SLC8A2: variants seen among roughly 807,000 people sequenced by gnomAD.
SLC8A2 encodes the protein solute carrier family 8 member A2, also known as sodium/calcium exchanger 2.
A neutral mutation model predicts 70.2 loss-of-function variants in SLC8A2; 14 were observed. The observed-to-expected ratio is 0.20, with a 90% CI of 0.13 to 0.31. The LOEUF (loss-of-function observed/expected upper bound fraction) is 0.31. Ranked by LOEUF, SLC8A2 falls within the 10% of genes least tolerant of loss-of-function variation. The pLI, the probability that SLC8A2 is intolerant of heterozygous loss-of-function variation, is 1.00. For missense variants in SLC8A2, 779 were observed against 1,320.1 expected, an observed-to-expected ratio of 0.59 and a Z score of 6.35; for synonymous variants, 575 against 594.3, an observed-to-expected ratio of 0.97 and a Z score of 0.47.
intron 2 of SLC8A2, among the ~76,000 whole-genome samples, chr19:47,460,975 A>T (rs1463995600): frequency 6.6e-6 from 1 of 152,154 alleles, no homozygotes; most frequent in East Asian, 1.9e-4. Context: ...GCACTTTGGG[A>T]GGCGGAAGTG....
In SLC8A2 at chr19:47,448,269, G is replaced by A. The variant is rs777632456; in HGVS notation, c.1341-38C>T. The A allele has an allele frequency of 8.5e-6, 13 of 1,522,424 alleles. No individual in the cohort carries two copies. In the East Asian group the frequency reaches 2.9e-4, roughly 35 times the overall value. The allele number at this position is 1,522,424 out of a possible 1,614,324, so 94.3% of individuals were successfully genotyped here. A position where few individuals can be genotyped will look rare whatever the true frequency, so the allele number is the denominator to read the frequency against. ...GGGGAGGGGGAAGAGCGGGGTGAGGGTCGGTCATCGGCTGTGTGTTGTACG... is the reference window on the plus strand; with the variant it reads ...GGGGAGGGGGAAGAGCGGGGTGAGGATCGGTCATCGGCTGTGTGTTGTACG... On this transcript the variant is annotated intron_variant, in intron 3 of 9. Transcript: ENST00000236877. This position sits in a 1 kb window ranked among gnomAD's most constrained non-coding sequence, Gnocchi z 4.8.
rs566849309 is a variant in SLC8A2, at chr19:47,429,978, C to A, written c.*111G>T. 3 of 1,143,730 alleles carry A rather than the reference C, an allele frequency of 2.6e-6. No homozygotes were observed. Among genetic ancestry groups the A allele is most frequent in the Non-Finnish European group, 2.4e-6 (2 of 822,892 alleles). 70.8% of individuals were successfully genotyped at this position (1,143,730 alleles called of 1,614,324 possible). ...AGGGGGCGGAGAAGGGAGGCCGAGT[C>A]CCAGGAGAGGAGGCCGAGTCTGGGG... On this transcript the variant is annotated 3_prime_UTR_variant, in exon 10 of 10. Coordinates refer to ENST00000236877, the MANE Select transcript of SLC8A2 (RefSeq NM_015063.3).
At chr19:47,464,375 G>A (rs1967432849) in intron 2 of SLC8A2, among the ~76,000 whole-genome samples, 1 of 152,150 alleles carries the variant, frequency 6.6e-6, no homozygotes. Flanking sequence ...ACCTCCCAAA[G>A]TGCTAGGATT....
chr19:47,454,703 C>T (rs1379000640), intron 3 of SLC8A2, among the ~76,000 whole-genome samples: 1 of 151,792 alleles, frequency 6.6e-6, no homozygotes, highest in Non-Finnish European at 1.5e-5. Context: ...AATGTCCAAG[C>T]GCTGGAAAGA....
At chr19:47,438,870 T>C (rs830162) in intron 6 of SLC8A2, among the ~76,000 whole-genome samples, 15,984 of 152,062 alleles carry the variant, frequency 0.11, 898 homozygotes, top group Middle Eastern at 0.16. Context: ...CAGTCCCAAC[T>C]CCCAACTCTG....
intron 2 of SLC8A2, among the ~76,000 whole-genome samples, chr19:47,459,699 TTC>T (rs1179273895): frequency 9.4e-6 from 1 of 106,278 alleles, no homozygotes; most frequent in Non-Finnish European, 2.2e-5. Context: ...GGGTGTGTCC[TTC>T]TGTGTGTGCG....
chr19:47,457,890 G>A lies in SLC8A2; in HGVS notation c.676-296C>T, dbSNP rs184543286. ...GTCTTTCTCTGTAGCCCAGGCTGGA[G>A]TGCAGTGGTGCAGCCTCGGCTCACT... On this transcript the variant is annotated intron_variant, in intron 2 of 9. Transcript: ENST00000236877. Among the ~76,000 whole-genome samples, 19 of 148,186 alleles carry A rather than the reference G, an allele frequency of 1.3e-4. No homozygotes were observed. The East Asian group carries it at 3.4e-3, about 27-fold the overall frequency.
chr19:47,432,306 G>A lies in SLC8A2; in HGVS notation c.2250C>T (p.Ala750=). The A allele has an allele frequency of 1.2e-6, 2 of 1,613,952 alleles. No individual in the cohort carries two copies. Among genetic ancestry groups the A allele is most frequent in the Non-Finnish European group, 1.7e-6 (2 of 1,180,036 alleles). ...TGACCAGGATGGAGACACCAAAGCA[G>A]GCCCAGCCGTGGCAGTACTCGGTGG... ...VPPTEYCHGW[A]CFGVSILVIG... is the part of the protein sequence containing the mutation. Residue 750 remains alanine (A), a synonymous_variant, in exon 9 of 10, where the codon GCC becomes GCT. Transcript: ENST00000236877. The surrounding 1 kb of genome is among the most constrained non-coding windows in gnomAD (Gnocchi z 6.2).
At position 47,448,110 on chromosome 19, in the gene SLC8A2, C is replaced by T; in HGVS notation, c.1462G>A (p.Gly488Ser). 3 of 1,610,896 alleles carry T rather than the reference C, an allele frequency of 1.9e-6. No homozygotes were observed. The highest frequency in any genetic ancestry group is 2.5e-6 in the Non-Finnish European group (3 of 1,178,910). Residue 488 changes from glycine (G) to serine (S), a missense_variant, in exon 4 of 10, where the codon GGC becomes AGC. By Grantham distance (56) the Gly-to-Ser change is moderately conservative (BLOSUM62 0). Around this residue, in one of 6 missense-constraint regions of SLC8A2, gnomAD observed 247 missense variants for 362.8 expected, o/e 0.68. Coordinates refer to ENST00000236877, the MANE Select transcript of SLC8A2 (RefSeq NM_015063.3). The surrounding 1 kb of genome is among the most constrained non-coding windows in gnomAD (Gnocchi z 4.8). ...GGCTCGAACATGCCCTGCGCGTCGC[C>T]CACGCGCAGGTTCAGCAGCCGCACG... ...FFVRLLNLRV[G>S]DAQGMFEPDG... is the part of the protein sequence containing the mutation.
At chr19:47,453,780 C>T (rs926921352) in intron 3 of SLC8A2, among the ~76,000 whole-genome samples, 1 of 152,094 alleles carries the variant, frequency 6.6e-6, no homozygotes, top group Non-Finnish European at 1.5e-5. Flanking sequence ...AAACAATTAG[C>T]CAGGCTTGGT....
chr19:47,452,445 AGTGTGT>A (rs1158828688), intron 3 of SLC8A2, among the ~76,000 whole-genome samples: 718 of 53,504 alleles, frequency 0.013, 5 homozygotes, highest in South Asian at 0.017. Context: ...AGAGAGAGAG[AGTGTGT>A]GTGTGTGTGT....
At chr19:47,444,707 G>A (rs1369933044) in intron 4 of SLC8A2, among the ~76,000 whole-genome samples, 1 of 152,206 alleles carries the variant, frequency 6.6e-6, no homozygotes, top group East Asian at 1.9e-4. Context: ...CCTGGCAGGC[G>A]CACCCTCAGG....
intron 3 of SLC8A2, among the ~76,000 whole-genome samples, chr19:47,454,547 G>T (rs1465732856): frequency 1.3e-5 from 2 of 152,076 alleles, no homozygotes. Flanking sequence ...AGCTACTTTG[G>T]AGGCTGAGGT....
At position 47,448,507 on chromosome 19, in the gene SLC8A2, A is replaced by G. The variant is rs1967197917; in HGVS notation, c.1341-276T>C. On this transcript the variant is annotated intron_variant, in intron 3 of 9. Coordinates refer to ENST00000236877, the MANE Select transcript of SLC8A2 (RefSeq NM_015063.3). This position sits in a 1 kb window ranked among gnomAD's most constrained non-coding sequence, Gnocchi z 4.8. ...AGGTGGGAATTAAACAGGTAATGAT[A>G]AGGTTGAGATCAGGGCAGGCTTCCT... Among the ~76,000 whole-genome samples, 1 of 152,120 alleles carries G rather than the reference A, an allele frequency of 6.6e-6. No individual in the cohort carries two copies. Among genetic ancestry groups the G allele is most frequent in the South Asian group, 2.1e-4 (1 of 4,824 alleles).
At position 47,430,065 on chromosome 19, in the gene SLC8A2, GGGGACGAGTCTCTGCGCGAGGCC is replaced by G; in HGVS notation, c.*1_*23del. 1 of 1,561,592 alleles carries G rather than the reference GGGGACGAGTCTCTGCGCGAGGCC, an allele frequency of 6.4e-7. No individual in the cohort carries two copies. Among genetic ancestry groups the G allele is most frequent in the South Asian group, 1.2e-5 (1 of 84,774 alleles). ...GAGTCCCTAGCCCCGGGCGGGCGGTGGGGACGAGTCTCTGCGCGAGGCCCTAGAAGCCCCGGATGTGGCAGTAC... is the reference window on the plus strand; with the variant it reads ...GAGTCCCTAGCCCCGGGCGGGCGGTGCTAGAAGCCCCGGATGTGGCAGTAC... On this transcript the variant is annotated 3_prime_UTR_variant, in exon 10 of 10. Coordinates refer to ENST00000236877, the MANE Select transcript of SLC8A2 (RefSeq NM_015063.3). The surrounding 1 kb of genome is among the most constrained non-coding windows in gnomAD (Gnocchi z 5.9).
chr19:47,446,955 C>G (rs556839727), intron 4 of SLC8A2, among the ~76,000 whole-genome samples: 1 of 152,094 alleles, frequency 6.6e-6, no homozygotes, highest in Non-Finnish European at 1.5e-5. Flanking sequence ...TCCCCAGACC[C>G]CATTTTCCTA....
At chr19:47,471,416 C>CTT (rs2122660021) in intron 1 of SLC8A2, among the ~76,000 whole-genome samples, 1 of 151,648 alleles carries the variant, frequency 6.6e-6, no homozygotes, top group South Asian at 2.1e-4. Context: ...CGGCCAGACT[C>CTT]TGCTAGACAG....
intron 2 of SLC8A2, among the ~76,000 whole-genome samples, chr19:47,459,331 C>G (rs994186799): frequency 7.9e-5 from 12 of 152,160 alleles, no homozygotes; most frequent in Admixed American, 5.2e-4. Flanking sequence ...CTGTCTCTCT[C>G]CCTGGCTCCC....
In SLC8A2 at chr19:47,466,567, G is replaced by C; in HGVS notation, c.-16-148C>G. 1.9e-6 allele frequency: 1 copy of C among 535,440 alleles called. No individual in the cohort carries two copies. Among genetic ancestry groups the C allele is most frequent in the Non-Finnish European group, 3.3e-6 (1 of 306,294 alleles). The allele number at this position is 535,440 out of a possible 1,614,324, so 33.2% of individuals were successfully genotyped here. Reference sequence around the variant, plus strand: ...GGACTGAGGGCGACAGAGACACAGAGAGTGACAGACAGAGACCCACAGAGA... The same window carrying C: ...GGACTGAGGGCGACAGAGACACAGACAGTGACAGACAGAGACCCACAGAGA... On this transcript the variant is annotated intron_variant, in intron 1 of 9. Transcript: ENST00000236877. This position sits in a 1 kb window ranked among gnomAD's most constrained non-coding sequence, Gnocchi z 6.9.
Sources: allele counts gnomAD v4.1 joint callset (sites outside exome capture counted in the v4.1 genomes callset), GRCh38; gene constraint gnomAD v4.1.1; regional missense constraint gnomAD v4.1.1; non-coding constraint Gnocchi (gnomAD v3.1); transcripts MANE v1.5; gene names NCBI Gene and HGNC (gene_info 2026-07-23, HGNC 2026-07-21).